The following TRAF3IP3 variants were observed in gnomAD, a reference collection of about 807,000 sequenced individuals.
The protein encoded by TRAF3IP3 is TRAF3 interacting protein 3, also known as TRAF3-interacting JNK-activating modulator.
TRAF3IP3 carries 64 observed loss-of-function variants against 86.5 expected under a neutral mutation model. The ratio of observed to expected loss-of-function variants is 0.74; its 90% CI spans 0.60 to 0.91. TRAF3IP3 has a LOEUF of 0.91. TRAF3IP3 is among the 40% of genes least tolerant of loss of function. The pLI, the probability that TRAF3IP3 is intolerant of heterozygous loss-of-function variation, is 0.00. For missense variants in TRAF3IP3, 579 were observed against 642.9 expected (o/e 0.90, Z 1.07); for synonymous variants, 220 against 243.9 (o/e 0.90, Z 0.91).
intron 8 of TRAF3IP3, among the ~76,000 whole-genome samples, chr1:209,772,211 C>CT (rs1316226584): frequency 6.6e-6 from 1 of 152,108 alleles, no homozygotes; most frequent in Non-Finnish European, 1.5e-5. Flanking sequence ...GGCTAAAAGT[C>CT]TGAGATCGAG....
chr1:209,777,554 C>G lies in TRAF3IP3; in HGVS notation c.1189+67C>G, dbSNP rs984223839. On this transcript the variant is annotated intron_variant, in intron 12 of 16. Transcript: ENST00000367025. ...GCCAAGTGAGCTAAGAAAAAAGAAA[C>G]TGAATTAAGAGAAAGGCTTCAGCCT... 2.7e-6 allele frequency: 4 copies of G among 1,484,370 alleles called. No homozygotes were observed. In the East Asian group the frequency reaches 7.1e-5, roughly 26 times the overall value. 91.9% of individuals were successfully genotyped at this position (1,484,370 alleles called of 1,614,324 possible).
intron 10 of TRAF3IP3, 29 bp downstream of exon 10, chr1:209,775,518 TG>T (rs572493702): frequency 1.2e-4 from 188 of 1,614,160 alleles, no homozygotes; most frequent in Middle Eastern, 1.6e-4. Flanking sequence ...GACATGGGGC[TG>T]GGGACTCCAG....
chr1:209,778,238 C>A, intron 13 of TRAF3IP3, 65 bp downstream of exon 13: 1 of 1,406,342 alleles, frequency 7.1e-7, no homozygotes, highest in Non-Finnish European at 1.0e-6. Flanking sequence ...CCACAAAAGG[C>A]ACCCAGAGTA....
chr1:209,777,302 C>A, intron 11 of TRAF3IP3, 50 bp from the exon 12 acceptor site: 1 of 1,517,142 alleles, frequency 6.6e-7, no homozygotes, highest in Non-Finnish European at 8.9e-7. Context: ...CCCCCAACCT[C>A]CACCCCAACA....
At chr1:209,764,209 A>C (rs2077297943) in intron 8 of TRAF3IP3, among the ~76,000 whole-genome samples, 3 of 152,242 alleles carry the variant, frequency 2.0e-5, no homozygotes, top group Admixed American at 2.0e-4. Context: ...TAGCACTAGA[A>C]ATAATGAGAT....
intron 11 of TRAF3IP3, chr1:209,777,016 C>A: frequency 6.1e-6 from 1 of 163,676 alleles, no homozygotes; most frequent in Non-Finnish European, 1.3e-5. Context: ...TGCTTGAGCC[C>A]AAGAGGTCGA....
chr1:209,768,248 A>G (rs1291383093), intron 8 of TRAF3IP3: 1 of 985,264 alleles, frequency 1.0e-6, no homozygotes, highest in Admixed American at 6.1e-5. Flanking sequence ...AGAACTTACC[A>G]CAAACTCCCT....
chr1:209,771,762 GGTGTGT>G (rs57342752), intron 8 of TRAF3IP3, among the ~76,000 whole-genome samples: 1 of 87,456 alleles, frequency 1.1e-5, no homozygotes, highest in African/African-American at 4.3e-5. Flanking sequence ...CGCATGTGAA[GGTGTGT>G]GTGTATATGG....
In TRAF3IP3 at chr1:209,782,215, T is replaced by A. The variant is rs1327780105; in HGVS notation, c.*67T>A. ...CAACTCAGCGAAAAACTCAGAAGGTTTGGGTACATTACAGCTTGGGTTTTC... is the reference window on the plus strand; with the variant it reads ...CAACTCAGCGAAAAACTCAGAAGGTATGGGTACATTACAGCTTGGGTTTTC... On this transcript the variant is annotated 3_prime_UTR_variant, in exon 17 of 17. Coordinates refer to ENST00000367025, the MANE Select transcript of TRAF3IP3 (RefSeq NM_025228.4). 20 of 1,281,018 alleles carry A rather than the reference T, an allele frequency of 1.6e-5. No individual in the cohort carries two copies. The highest frequency in any genetic ancestry group is 1.9e-5 in the Non-Finnish European group (17 of 876,846). 79.4% of individuals were successfully genotyped at this position (1,281,018 alleles called of 1,614,324 possible).
chr1:209,778,173 G>A lies in TRAF3IP3; in HGVS notation c.1252G>A (p.Gly418Ser). The A allele has an allele frequency of 5.0e-6, 8 of 1,613,872 alleles. No homozygotes were observed. Among genetic ancestry groups the A allele is most frequent in the Non-Finnish European group, 6.8e-6 (8 of 1,179,846 alleles). The change falls in exon 13 of 17, where the codon GGT becomes AGT. Residue 418 changes from glycine to serine, a missense_variant and splice_region_variant. Coordinates refer to ENST00000367025, the MANE Select transcript of TRAF3IP3 (RefSeq NM_025228.4). ...TLVTRVQQLQ[G>S]LLQNQSLQLQ... ...GGTGACCAGAGTACAGCAGTTGCAG[G>A]GTAAGTTCGCTTTCCAGATTCTGAA...
Position 209,760,044 on chromosome 1 carries a change from T to G in TRAF3IP3, c.5T>G (p.Ile2Ser). 1.9e-6 allele frequency: 3 copies of G among 1,606,918 alleles called. No individual in the cohort carries two copies. Among genetic ancestry groups the G allele is most frequent in the Non-Finnish European group, 2.6e-6 (3 of 1,174,128 alleles). ...AACAGGTGCTTGGAGGTCATCATGA[T>G]CAGCCCAGACCCCAGGCCCTCCCCT... MISPDPRPSPGL... is the reference protein window; with the variant it reads MSSPDPRPSPGL... The change falls in exon 3 of 17, where the codon ATC becomes AGC. Residue 2 changes from isoleucine to serine, a missense_variant. Ile to Ser is a moderately radical substitution (Grantham distance 142). Coordinates refer to ENST00000367025, the MANE Select transcript of TRAF3IP3 (RefSeq NM_025228.4).
At chr1:209,780,179 T>A (rs1437788035) in intron 14 of TRAF3IP3, 2 of 207,630 alleles carry the variant, frequency 9.6e-6, no homozygotes, top group Non-Finnish European at 9.5e-6. Flanking sequence ...ATACAACCAA[T>A]GAAATTCAAT....
intron 8 of TRAF3IP3, among the ~76,000 whole-genome samples, chr1:209,769,727 G>A (rs574164305): frequency 6.6e-6 from 1 of 152,260 alleles, no homozygotes; most frequent in South Asian, 2.1e-4. Flanking sequence ...TTACAAACCG[G>A]AAATGTTATA....
intron 1 of TRAF3IP3, among the ~76,000 whole-genome samples, chr1:209,756,819 A>G (rs2077162355): frequency 6.6e-6 from 1 of 152,188 alleles, no homozygotes; most frequent in Non-Finnish European, 1.5e-5. Context: ...CAGTCAGGTG[A>G]GGAGCCATGC....
chr1:209,777,975 C>T (rs553351867), intron 12 of TRAF3IP3, 136 bp from the exon 13 acceptor site: 29 of 766,936 alleles, frequency 3.8e-5, no homozygotes, highest in South Asian at 3.6e-4. Context: ...AACTGGGACA[C>T]GAAGATAGAG....
In TRAF3IP3 at chr1:209,775,445, C is replaced by G; in HGVS notation, c.871C>G (p.Leu291Val). The G allele has an allele frequency of 1.2e-6, 2 of 1,614,186 alleles. No homozygotes were observed. Among genetic ancestry groups the G allele is most frequent in the Non-Finnish European group, 1.7e-6 (2 of 1,180,036 alleles). ...GGCCAAGGAGTCACTGCAGAAAGTG[C>G]TGGAGGAGAAAATGAATGCAGAGCA... is the stretch of plus-strand genomic sequence containing the variant. ...QKAKESLQKV[L>V]EEKMNAEQQL... Residue 291 changes from leucine (L) to valine (V), a missense_variant, in exon 10 of 17, where the codon CTG (leucine) becomes GTG (valine). Leu to Val is a conservative substitution (Grantham distance 32). Coordinates refer to ENST00000367025, the MANE Select transcript of TRAF3IP3 (RefSeq NM_025228.4).
chr1:209,760,303 G>A lies in TRAF3IP3; in HGVS notation c.264G>A (p.Gly88=), dbSNP rs1365391204. 1 of 1,614,118 alleles carries A rather than the reference G, an allele frequency of 6.2e-7. No individual in the cohort carries two copies. The highest frequency in any genetic ancestry group is 2.2e-5 in the East Asian group (1 of 44,874). ...AGCATCCCCAGGCCAGGGAGCAAGG[G>A]CCCTCCAGGCGGCCAGGACAGGTGA... ...KAQHPQAREQ[G]PSRRPGQVTV... The change falls in exon 3 of 17, where the codon GGG becomes GGA. Residue 88 remains glycine (G), a synonymous_variant. Coordinates refer to ENST00000367025, the MANE Select transcript of TRAF3IP3 (RefSeq NM_025228.4).
chr1:209,778,140 C>G lies in TRAF3IP3; in HGVS notation c.1219C>G (p.Leu407Val). The change falls in exon 13 of 17, where the codon CTC becomes GTC. Residue 407 changes from leucine to valine, a missense_variant. Transcript: ENST00000367025. ...DQLKRSEAEK[L>V]TLVTRVQQLQ... ...ACTAAAAAGGTCAGAGGCAGAGAAA[C>G]TCACCCTGGTGACCAGAGTACAGCA... 6.2e-7 allele frequency: 1 copy of G among 1,614,118 alleles called. No homozygotes were observed. Among genetic ancestry groups the G allele is most frequent in the Non-Finnish European group, 8.5e-7 (1 of 1,179,994 alleles).
At chr1:209,762,755 C>T in intron 4 of TRAF3IP3, 58 bp from the exon 5 acceptor site, 1 of 1,156,206 alleles carries the variant, frequency 8.6e-7, no homozygotes, top group Non-Finnish European at 1.2e-6. Context: ...CCTGTCCCTC[C>T]CCACTTCCCT....
Sources: gnomAD v4.1 joint callset for allele counts (sites outside exome capture counted in the v4.1 genomes callset) on GRCh38, gnomAD v4.1.1 for gene constraint, MANE v1.5 for transcripts, NCBI Gene and HGNC (gene_info 2026-07-23, HGNC 2026-07-21) for gene names.